Variants in ZNF75D observed in about 807,000 individuals in gnomAD.
ZNF75D encodes zinc finger protein 75D.
In ZNF75D, 33 loss-of-function variants were observed where a neutral mutation model predicts 33.3. The ratio of observed to expected loss-of-function variants is 0.99; its 90% CI spans 0.75 to 1.32. The LOEUF (loss-of-function observed/expected upper bound fraction) is 1.32. Ranked by LOEUF, ZNF75D falls within the 40% of genes most tolerant of loss-of-function variation. The pLI is 0.00. For missense variants in ZNF75D, 338 were observed against 367.5 expected (o/e 0.92, Z 0.66); for synonymous variants, 113 against 130.6 (o/e 0.87, Z 0.92).
chrX:135,321,965 A>G (rs2084501422), intron 1 of ZNF75D, among the ~76,000 whole-genome samples: 1 of 112,225 alleles, frequency 8.9e-6, no homozygotes, highest in African/African-American at 3.2e-5. Flanking sequence ...ATGTGGTCCT[A>G]AGACTAACCT....
chrX:135,256,472 C>A (rs148319040), intron 1 of ZNF75D, among the ~76,000 whole-genome samples: 5,788 of 111,915 alleles, frequency 0.052, 156 homozygotes, highest in Non-Finnish European at 0.08. Flanking sequence ...ATCACCCTTC[C>A]CATCAGTTGA....
Position 135,331,414 on chromosome X carries a change from A to T in ZNF75D, c.-391+10354T>A, listed in dbSNP as rs148194082. 9.9e-3 allele frequency among the ~76,000 whole-genome samples: 1,093 copies of T among 109,961 alleles called. 13 individuals carry two copies. The highest frequency in any genetic ancestry group is 0.034 in the African/African-American group (1,013 of 30,150). On this transcript the variant is annotated intron_variant, in intron 1 of 6. Transcript: ENST00000370766. Reference sequence around the variant, plus strand: ...GCTTCCAGGAAAAAAAAGCTAAAGGACTGGGAAATACAGGTATTCGCTCTG... The same window carrying T: ...GCTTCCAGGAAAAAAAAGCTAAAGGTCTGGGAAATACAGGTATTCGCTCTG...
In ZNF75D at chrX:135,320,985, C is replaced by T. The variant is rs1248049523; in HGVS notation, c.-391+20783G>A. Among the ~76,000 whole-genome samples, 12 of 111,448 alleles carry T rather than the reference C, an allele frequency of 1.1e-4. No individual in the cohort carries two copies. The Admixed American group carries it at 1.1e-3, about 11-fold the overall frequency. On this transcript the variant is annotated intron_variant, in intron 1 of 6. Transcript: ENST00000370766. Reference sequence around the variant, plus strand: ...TTTGTGCTGCTATAACAGATTATCACAGACTCGGTAATTATAAAGAACAGA... The same window carrying T: ...TTTGTGCTGCTATAACAGATTATCATAGACTCGGTAATTATAAAGAACAGA...
At chrX:135,314,222 G>GT (rs1273983698) in intron 1 of ZNF75D, among the ~76,000 whole-genome samples, 2 of 111,464 alleles carry the variant, frequency 1.8e-5, no homozygotes, top group Admixed American at 1.9e-4. Context: ...CTTATCAAAT[G>GT]TTTTTTTCTG....
intron 1 of ZNF75D, among the ~76,000 whole-genome samples, chrX:135,301,518 A>T (rs1351965578): frequency 8.9e-6 from 1 of 112,530 alleles, no homozygotes; most frequent in Non-Finnish European, 1.9e-5. Context: ...CCATGGGGAT[A>T]TAGGCGTTGG....
downstream of ZNF75D, among the ~76,000 whole-genome samples, chrX:135,281,929 C>G (rs1556418588): frequency 8.9e-6 from 1 of 112,279 alleles, no homozygotes; most frequent in African/African-American, 3.2e-5. Context: ...TCTGTTGACC[C>G]CTGCTGGGAG....
At chrX:135,304,956 A>C (rs1273416124) in intron 1 of ZNF75D, among the ~76,000 whole-genome samples, 1 of 112,674 alleles carries the variant, frequency 8.9e-6, no homozygotes, top group African/African-American at 3.2e-5. Flanking sequence ...TCTCACCCTT[A>C]GAGCATGCTG....
chrX:135,323,554 G>A (rs2084523355), intron 1 of ZNF75D, among the ~76,000 whole-genome samples: 1 of 111,799 alleles, frequency 8.9e-6, no homozygotes, highest in Non-Finnish European at 1.9e-5. Context: ...TTTCCATTGA[G>A]TTCTACAGAA....
At chrX:135,261,358 C>A (rs1304092235) in intron 1 of ZNF75D, among the ~76,000 whole-genome samples, 3 of 111,710 alleles carry the variant, frequency 2.7e-5, no homozygotes, top group Non-Finnish European at 5.6e-5. Flanking sequence ...TCCTTGTTAA[C>A]CTTCTGTCTT....
At position 135,299,643 on chromosome X, in the gene ZNF75D, T is replaced by A. The variant is rs781788657; in HGVS notation, c.-390-3604A>T. Among the ~76,000 whole-genome samples, 7 of 112,367 alleles carry A rather than the reference T, an allele frequency of 6.2e-5. No homozygotes were observed. In the East Asian group the frequency reaches 1.9e-3, roughly 31 times the overall value. On this transcript the variant is annotated intron_variant, in intron 1 of 6. Coordinates refer to ENST00000370766, the MANE Select transcript of ZNF75D (RefSeq NM_007131.5). ...AATTTTGTAATGGCCAGTTTATCTA[T>A]TTTTTCTTTAGTTTCTTATGTCACA...
At chrX:135,270,839 T>C (rs782796056) in intron 1 of ZNF75D, among the ~76,000 whole-genome samples, 1 of 111,937 alleles carries the variant, frequency 8.9e-6, no homozygotes, top group South Asian at 3.8e-4. Context: ...TCAGTGTCGG[T>C]TTCCAAGATA....
At position 135,258,147 on chromosome X, in the gene ZNF75D, A is replaced by C. The variant is rs1036705660; in HGVS notation, n.828-2370T>G. Among the ~76,000 whole-genome samples the C allele has an allele frequency of 1.7e-4, 17 of 97,939 alleles. 1 individual carries two copies. Among genetic ancestry groups the C allele is most frequent in the Admixed American group, 7.8e-4 (7 of 9,018 alleles). The allele number at this position is 97,939 out of a possible 115,157, so 85.0% of individuals were successfully genotyped here. A position where few individuals can be genotyped will look rare whatever the true frequency, so the allele number is the denominator to read the frequency against. On this transcript the variant is annotated intron_variant and non_coding_transcript_variant, in intron 1 of 3. Coordinates refer to the ZNF75D transcript ENST00000494295. ...TCCCTACAAAGGACATGAACTCATCATTTTTTATGAATGCATAGTATTCCA... is the reference window on the plus strand; with the variant it reads ...TCCCTACAAAGGACATGAACTCATCCTTTTTTATGAATGCATAGTATTCCA...
downstream of ZNF75D, among the ~76,000 whole-genome samples, chrX:135,282,376 T>A (rs2083923188): frequency 1.8e-5 from 2 of 111,905 alleles, no homozygotes; most frequent in African/African-American, 6.5e-5. Flanking sequence ...GACTTCAGAC[T>A]GCTGTGCTGG....
intron 1 of ZNF75D, among the ~76,000 whole-genome samples, chrX:135,323,902 T>C (rs1240643290): frequency 9.1e-6 from 1 of 110,092 alleles, no homozygotes; most frequent in African/African-American, 3.3e-5. Context: ...GCTGAGCCAG[T>C]GAGGAAGCCA....
chrX:135,339,625 C>T (rs994560396), intron 1 of ZNF75D, among the ~76,000 whole-genome samples: 16 of 111,978 alleles, frequency 1.4e-4, no homozygotes, highest in South Asian at 7.4e-4. Context: ...CCTCCAGGGT[C>T]GCTGCATACA....
At chrX:135,310,203 G>A (rs782374473) in intron 1 of ZNF75D, among the ~76,000 whole-genome samples, 1 of 112,239 alleles carries the variant, frequency 8.9e-6, no homozygotes, top group Non-Finnish European at 1.9e-5. Flanking sequence ...CCCCAGGAAA[G>A]TGGAATGCCC....
In ZNF75D at chrX:135,287,607, G is replaced by A; in HGVS notation, c.1063C>T (p.His355Tyr). Residue 355 changes from histidine (H) to tyrosine (Y), a missense_variant, in exon 7 of 7, where the codon CAT becomes TAT. Coordinates refer to ENST00000370766, the MANE Select transcript of ZNF75D (RefSeq NM_007131.5). Reference sequence around the variant, plus strand: ...TTCTCCCCTGTGGGGCCTTTCCCATGAAGATCCATAAGTTTTGGAAGCTCT... The same window carrying A: ...TTCTCCCCTGTGGGGCCTTTCCCATAAAGATCCATAAGTTTTGGAAGCTCT... ...KQELPKLMDLHGKGPTGEKPF... is the reference protein window; with the variant it reads ...KQELPKLMDLYGKGPTGEKPF... 8.3e-7 allele frequency: 1 copy of A among 1,210,689 alleles called. No homozygotes were observed. The highest frequency in any genetic ancestry group is 1.1e-6 in the Non-Finnish European group (1 of 895,245).
Position 135,275,349 on chromosome X carries a change from C to T in ZNF75D, n.828-19572G>A, listed in dbSNP as rs142765738. Among the ~76,000 whole-genome samples, 47 of 112,183 alleles carry T rather than the reference C, an allele frequency of 4.2e-4. No homozygotes were observed. In the East Asian group the frequency reaches 0.013, roughly 31 times the overall value. On this transcript the variant is annotated intron_variant and non_coding_transcript_variant, in intron 1 of 3. Coordinates refer to the ZNF75D transcript ENST00000494295. Reference sequence around the variant, plus strand: ...GCTTCACACTATGTTTACTGTTTTGCATGTATAGTGCTGGCACTGGAGTAC... The same window carrying T: ...GCTTCACACTATGTTTACTGTTTTGTATGTATAGTGCTGGCACTGGAGTAC...
chrX:135,262,236 CA>C (rs1188547651), intron 1 of ZNF75D, among the ~76,000 whole-genome samples: 1 of 111,939 alleles, frequency 8.9e-6, no homozygotes, highest in African/African-American at 3.2e-5. Flanking sequence ...CTTTTTCCTT[CA>C]TTTCAACCTT....
Sources: gnomAD v4.1 joint callset for allele counts (sites outside exome capture counted in the v4.1 genomes callset) on GRCh38, gnomAD v4.1.1 for gene constraint, MANE v1.5 for transcripts, NCBI Gene and HGNC (gene_info 2026-07-23, HGNC 2026-07-21) for gene names.